ZNF532: variants seen among roughly 807,000 people sequenced by gnomAD.
ZNF532 encodes zinc finger protein 532.
ZNF532 carries 22 observed loss-of-function variants against 89.3 expected under a neutral mutation model. The observed-to-expected ratio is 0.25, with a 90% confidence interval of 0.18 to 0.35. The LOEUF (loss-of-function observed/expected upper bound fraction) is 0.35, where lower values mean the gene tolerates loss of function less well. ZNF532 is among the 10% of genes least tolerant of loss of function. ZNF532 has a pLI of 1.00. For synonymous variants in ZNF532, 606 were observed against 649.6 expected (o/e 0.93, Z 1.02); for missense variants, 1,132 against 1,643.4 (o/e 0.69, Z 5.38).
intron 9 of ZNF532, among the ~76,000 whole-genome samples, chr18:58,982,358 T>TGC (rs1265658573): frequency 2.0e-5 from 3 of 151,300 alleles, no homozygotes; most frequent in Non-Finnish European, 4.4e-5. Context: ...CAGTGGCTCA[T>TGC]GCCTGTAATC....
rs1042742388 is a variant in ZNF532 at position 58,953,789 on chromosome 18, A to G, written c.3140A>G (p.Glu1047Gly). 6.2e-7 allele frequency: 1 copy of G among 1,612,226 alleles called. No homozygotes were observed. The highest frequency in any genetic ancestry group is 8.5e-7 in the Non-Finnish European group (1 of 1,178,516). ...RDVYISHVRK[E>G]HGKQMKKHPC... The stretch of plus-strand genomic sequence containing the variant: ...GTGTACATATCCCACGTGAGGAAGG[A>G]GCACGGGAAGGTCAGTAAAGAATGA... Residue 1047 changes from glutamate (E) to glycine (G), a missense_variant, in exon 7 of 10, where the codon GAG becomes GGG. This residue lies in a region of ZNF532 where 415 missense variants were observed against 604.8 expected (regional missense o/e 0.69). Coordinates refer to ENST00000591808, the MANE Select transcript of ZNF532 (RefSeq NM_001375912.1).
intron 2 of ZNF532, among the ~76,000 whole-genome samples, chr18:58,914,801 T>C (rs1167256469): frequency 6.6e-6 from 1 of 152,188 alleles, no homozygotes; most frequent in African/African-American, 2.4e-5. Flanking sequence ...AAAATCAAAC[T>C]GTTGAGGGAA....
chr18:58,879,968 A>C (rs1362973605), intron 2 of ZNF532, among the ~76,000 whole-genome samples: 1 of 152,176 alleles, frequency 6.6e-6, no homozygotes, highest in Non-Finnish European at 1.5e-5. Context: ...GTTTTCTGAC[A>C]TGCTTACGTG....
Position 58,939,466 on chromosome 18 carries a change from G to A in ZNF532, c.2550G>A (p.Val850=), listed in dbSNP as rs753515782. Residue 850 remains valine, a synonymous_variant, in exon 5 of 10, where the codon GTG becomes GTA. Coordinates refer to ENST00000591808, the MANE Select transcript of ZNF532 (RefSeq NM_001375912.1). ...VGFRCVHCNV[V]YSDVAALKSH... ...ACAGATGTGTGCATTGCAATGTTGT[G>A]TACTCTGATGTGGCTGCTCTGAAGT... is the stretch of plus-strand genomic sequence containing the variant. 3.0e-5 allele frequency: 48 copies of A among 1,613,672 alleles called. No homozygotes were observed. The South Asian group carries it at 3.6e-4, about 12-fold the overall frequency.
At chr18:58,964,431 A>G (rs2065693689) in intron 7 of ZNF532, among the ~76,000 whole-genome samples, 1 of 152,126 alleles carries the variant, frequency 6.6e-6, no homozygotes, top group Non-Finnish European at 1.5e-5. Flanking sequence ...ATGTGATTAA[A>G]AGGCACATTA....
Position 58,883,719 on chromosome 18 carries a change from G to A in ZNF532, c.-18+18140G>A, listed in dbSNP as rs538879138. The stretch of plus-strand genomic sequence containing the variant: ...GGTTGTGGGGAGGGCTGTCCTGTGC[G>A]TCTTAGGATGTTTAGCAGCATCCTT... On this transcript the variant is annotated intron_variant, in intron 2 of 9. Transcript: ENST00000591808. Among the ~76,000 whole-genome samples the A allele has an allele frequency of 3.9e-5, 6 of 152,208 alleles. No individual in the cohort carries two copies. In the East Asian group the frequency reaches 7.7e-4, roughly 20 times the overall value.
At chr18:58,934,219 G>A in intron 3 of ZNF532, 1 of 459,102 alleles carries the variant, frequency 2.2e-6, no homozygotes, top group Non-Finnish European at 3.8e-6. Flanking sequence ...TTTGAGACGA[G>A]CCTGACTAGA....
chr18:58,870,322 T>C (rs1649038556), intron 2 of ZNF532, among the ~76,000 whole-genome samples: 1 of 151,964 alleles, frequency 6.6e-6, no homozygotes. Flanking sequence ...GAAGCTATGA[T>C]AGGAATGTGA....
chr18:58,959,901 G>A (rs2065182580), intron 7 of ZNF532, among the ~76,000 whole-genome samples: 1 of 152,062 alleles, frequency 6.6e-6, no homozygotes, highest in Admixed American at 6.6e-5. Context: ...TCTGCATACA[G>A]AGACGTTATA....
intron 2 of ZNF532, among the ~76,000 whole-genome samples, chr18:58,913,745 A>G (rs553598285): frequency 6.6e-6 from 1 of 152,212 alleles, no homozygotes; most frequent in Non-Finnish European, 1.5e-5. Context: ...CAGTTGTTTT[A>G]TGGGAAGCCT....
In ZNF532 at chr18:58,955,680, A is replaced by T. The variant is rs148821722; in HGVS notation, c.3150+1881A>T. Among the ~76,000 whole-genome samples the T allele has an allele frequency of 3.9e-4, 60 of 152,338 alleles. No homozygotes were observed. In the East Asian group the frequency reaches 5.0e-3, roughly 13 times the overall value. ...CACAATATTCACAAATTGCAAAAAG[A>T]TGTTTTTATTGTATTTGGTCTCACT... On this transcript the variant is annotated intron_variant, in intron 7 of 9. Coordinates refer to ENST00000591808, the MANE Select transcript of ZNF532 (RefSeq NM_001375912.1).
chr18:58,904,232 TC>T (rs1034000806), intron 2 of ZNF532, among the ~76,000 whole-genome samples: 1 of 151,836 alleles, frequency 6.6e-6, no homozygotes, highest in African/African-American at 2.4e-5. Context: ...GCACCTGTAG[TC>T]CCAGCTACTT....
intron 3 of ZNF532, among the ~76,000 whole-genome samples, chr18:58,928,123 A>G (rs535609520): frequency 1.1e-4 from 16 of 152,116 alleles, no homozygotes; most frequent in Admixed American, 1.0e-3. Flanking sequence ...TATGTTTTGA[A>G]CAGAGCCTGT....
chr18:58,966,104 T>TA (rs2065892119), intron 7 of ZNF532, among the ~76,000 whole-genome samples: 4 of 152,134 alleles, frequency 2.6e-5, no homozygotes, highest in Admixed American at 2.6e-4. Context: ...CCTTCACACT[T>TA]ACATACGTTC....
chr18:58,922,245 A>G (rs1336673821), intron 3 of ZNF532, among the ~76,000 whole-genome samples: 2 of 152,148 alleles, frequency 1.3e-5, no homozygotes, highest in Non-Finnish European at 2.9e-5. Flanking sequence ...ATATTTTGTT[A>G]ATTAATTAGG....
chr18:58,968,262 G>T (rs117974289), intron 7 of ZNF532, among the ~76,000 whole-genome samples: 76 of 152,326 alleles, frequency 5.0e-4, no homozygotes, highest in Non-Finnish European at 1.0e-3. Context: ...GCCTGTCTTT[G>T]TCTGCTTTGG....
intron 9 of ZNF532, among the ~76,000 whole-genome samples, chr18:58,982,278 TG>T (rs1197227197): frequency 6.6e-6 from 1 of 151,836 alleles, no homozygotes; most frequent in Non-Finnish European, 1.5e-5. Flanking sequence ...CACCCAAACC[TG>T]GGGGACAAGA....
chr18:58,893,287 T>C (rs757640825), intron 2 of ZNF532, among the ~76,000 whole-genome samples: 1 of 152,164 alleles, frequency 6.6e-6, no homozygotes, highest in Non-Finnish European at 1.5e-5. Flanking sequence ...AAAAAAAGAA[T>C]AATTAGAAGT....
chr18:58,979,010 C>CATCTATTT, intron 7 of ZNF532, 45 bp from the exon 8 acceptor site: 1 of 1,421,246 alleles, frequency 7.0e-7, no homozygotes, highest in East Asian at 2.3e-5. Context: ...TGTTTGAGTG[C>CATCTATTT]ATCTATTTTC....
Sources: allele counts gnomAD v4.1 joint callset (sites outside exome capture counted in the v4.1 genomes callset), GRCh38; gene constraint gnomAD v4.1.1; regional missense constraint gnomAD v4.1.1; transcripts MANE v1.5; gene names NCBI Gene and HGNC (gene_info 2026-07-23, HGNC 2026-07-21).